Variants in CACNA1H observed in about 807,000 individuals in gnomAD.
CACNA1H encodes the protein calcium voltage-gated channel subunit alpha1 H.
In CACNA1H, 149 loss-of-function variants were observed where a neutral mutation model predicts 192.5. That is an observed-to-expected ratio of 0.77 (90% CI 0.68 to 0.89). The LOEUF (loss-of-function observed/expected upper bound fraction) is 0.89. CACNA1H is among the 40% of genes least tolerant of loss of function. The probability of loss-of-function intolerance (pLI) is 0.00; values close to 1 mark genes in which losing one functional copy is unlikely to be tolerated. For missense variants in CACNA1H, 4,257 were observed against 3,423.5 expected (o/e 1.24, Z -6.08); for synonymous variants, 2,202 against 1,475.2 (o/e 1.49, Z -11.29).
intron 2 of CACNA1H, among the ~76,000 whole-genome samples, chr16:1,162,642 G>C (rs933160949): frequency 1.3e-5 from 2 of 150,454 alleles, no homozygotes; most frequent in South Asian, 2.1e-4. Context: ...CCTGGAGTGG[G>C]GGGGGGGGGT....
chr16:1,168,536 G>C (rs889390526), intron 2 of CACNA1H, among the ~76,000 whole-genome samples: 1 of 151,994 alleles, frequency 6.6e-6, no homozygotes, highest in African/African-American at 2.4e-5. Context: ...GATGCACCCT[G>C]GAGGCAGGGA....
rs1366134926 is a variant in CACNA1H at position 1,211,996 on chromosome 16, G to C, written c.4617G>C (p.Leu1539=). 6.2e-7 allele frequency: 1 copy of C among 1,613,524 alleles called. No homozygotes were observed. The highest frequency in any genetic ancestry group is 1.1e-5 in the South Asian group (1 of 91,076). ...PWMLLYFISF[L]LIVSFFVLNM... ...TGCTGCTGTACTTCATCTCCTTCCT[G>C]CTCATCGTCAGCTTCTTCGTGCTCA... The change falls in exon 25 of 35, where the codon CTG becomes CTC. Residue 1539 remains leucine (L), a synonymous_variant. Coordinates refer to ENST00000348261, the MANE Select transcript of CACNA1H (RefSeq NM_021098.3).
chr16:1,187,384 C>T (rs1966178332), intron 2 of CACNA1H, among the ~76,000 whole-genome samples: 1 of 152,330 alleles, frequency 6.6e-6, no homozygotes. Context: ...GCAGTCTGTG[C>T]CCTGCAAGGC....
chr16:1,206,973 C>T (rs914960105), intron 12 of CACNA1H, 28 bp from the exon 13 acceptor site: 46 of 1,425,118 alleles, frequency 3.2e-5, no homozygotes, highest in Admixed American at 1.6e-4. Context: ...TGCCTCCACC[C>T]TCAACACGCC....
chr16:1,168,288 C>T (rs1041915529), intron 2 of CACNA1H, among the ~76,000 whole-genome samples: 1 of 152,110 alleles, frequency 6.6e-6, no homozygotes, highest in Admixed American at 6.5e-5. Context: ...ACCCCCATCT[C>T]CTCCCTCCTA....
chr16:1,197,456 T>C (rs1244090387), intron 5 of CACNA1H, among the ~76,000 whole-genome samples: 1 of 152,228 alleles, frequency 6.6e-6, no homozygotes, highest in South Asian at 2.1e-4. Flanking sequence ...GCCCTAATTG[T>C]CGCCAGCAGC....
intron 2 of CACNA1H, among the ~76,000 whole-genome samples, chr16:1,172,204 G>A (rs1964435906): frequency 6.6e-6 from 1 of 152,212 alleles, no homozygotes; most frequent in Non-Finnish European, 1.5e-5. Context: ...GGCTGGCCCA[G>A]GGCGAGTCTG....
At chr16:1,192,334 G>A (rs113044445) in intron 2 of CACNA1H, among the ~76,000 whole-genome samples, 2 of 141,280 alleles carry the variant, frequency 1.4e-5, no homozygotes, top group African/African-American at 4.9e-5. Flanking sequence ...GGCACTGGGT[G>A]CCACCCACCC....
chr16:1,166,524 G>A (rs911620145), intron 2 of CACNA1H, among the ~76,000 whole-genome samples: 6 of 152,310 alleles, frequency 3.9e-5, no homozygotes, highest in African/African-American at 9.6e-5. Flanking sequence ...CAATTCGGTC[G>A]TTCTCCCTGT....
chr16:1,210,740 G>A (rs745730567), intron 20 of CACNA1H, 47 bp from the exon 21 acceptor site: 1 of 1,572,200 alleles, frequency 6.4e-7, no homozygotes, highest in Non-Finnish European at 8.6e-7. Context: ...CAGCTCCCCA[G>A]ACCCCCCACG....
At chr16:1,209,438 G>C in intron 17 of CACNA1H, 26 bp downstream of exon 17, 1 of 1,589,400 alleles carries the variant, frequency 6.3e-7, no homozygotes, top group South Asian at 1.1e-5. Context: ...TGGGCCCACC[G>C]CCGACTCGCC....
Position 1,201,880 on chromosome 16 carries a change from G to C in CACNA1H, c.1430G>C (p.Arg477Pro). 6.4e-7 allele frequency: 1 copy of C among 1,553,010 alleles called. No individual in the cohort carries two copies. The highest frequency in any genetic ancestry group is 1.2e-5 in the South Asian group (1 of 84,282). The change falls in exon 9 of 35, where the codon CGC (arginine) becomes CCC (proline). Residue 477 changes from arginine (R) to proline (P), a missense_variant. By Grantham distance (103) the Arg-to-Pro change is moderately radical. Transcript: ENST00000348261. ...CGCAAGGTCAAGCGGCGCAGCTTGC[G>C]CCTCTACGCCCGCTGGCAGAGCCGC... is the stretch of plus-strand genomic sequence containing the variant. ...IFRKVKRRSL[R>P]LYARWQSRWR...
At chr16:1,178,400 C>T (rs565591628) in intron 2 of CACNA1H, among the ~76,000 whole-genome samples, 20 of 150,286 alleles carry the variant, frequency 1.3e-4, no homozygotes, top group Non-Finnish European at 2.5e-4. Flanking sequence ...ATATTCATAT[C>T]TCAGAGTCCT....
At position 1,215,306 on chromosome 16, in the gene CACNA1H, G is replaced by C; in HGVS notation, c.5104G>C (p.Glu1702Gln). ...SLMGITLEEIEMSAALPINPT... is the reference protein window; with the variant it reads ...SLMGITLEEIQMSAALPINPT... Reference sequence around the variant, plus strand: ...CATGGGCATCACGCTGGAGGAGATAGAGATGAGCGCCGCGCTGCCCATCAA... The same window carrying C: ...CATGGGCATCACGCTGGAGGAGATACAGATGAGCGCCGCGCTGCCCATCAA... The change falls in exon 29 of 35, where the codon GAG becomes CAG. Residue 1702 changes from glutamate (E) to glutamine (Q), a missense_variant. Physicochemically the swap from Glu to Gln is conservative, Grantham distance 29 (BLOSUM62 2). Transcript: ENST00000348261. The C allele has an allele frequency of 1.9e-6, 3 of 1,610,632 alleles. No homozygotes were observed.
At chr16:1,213,488 A>T (rs1969697120) in intron 26 of CACNA1H, among the ~76,000 whole-genome samples, 1 of 151,924 alleles carries the variant, frequency 6.6e-6, no homozygotes, top group African/African-American at 2.4e-5. Flanking sequence ...GCTGAGGAGG[A>T]GGTTAGTCAG....
chr16:1,200,330 C>A lies in CACNA1H; in HGVS notation c.878C>A (p.Ser293Ter). Reference sequence around the variant, plus strand: ...GAGGAGAACCCGTTCATCTGCTCCTCACGCCGAGACAACGGCATGCAGAAG... The same window carrying A: ...GAGGAGAACCCGTTCATCTGCTCCTAACGCCGAGACAACGGCATGCAGAAG... Reference protein sequence around the residue: ...EGEENPFICSSRRDNGMQKCS... With the variant: ...EGEENPFICS Residue 293 changes from serine to a stop codon, truncating the protein, a stop_gained, in exon 7 of 35, where the codon TCA becomes TAA. Coordinates refer to ENST00000348261, the MANE Select transcript of CACNA1H (RefSeq NM_021098.3). LOFTEE classifies it high-confidence loss of function. 1 of 1,603,746 alleles carries A rather than the reference C, an allele frequency of 6.2e-7. No individual in the cohort carries two copies. The highest frequency in any genetic ancestry group is 8.5e-7 in the Non-Finnish European group (1 of 1,175,854).
intron 2 of CACNA1H, among the ~76,000 whole-genome samples, chr16:1,182,594 G>A (rs1348402980): frequency 6.6e-6 from 1 of 152,194 alleles, no homozygotes; most frequent in African/African-American, 2.4e-5. Context: ...GCTGGCTCCG[G>A]CCACGTTCCC....
intron 2 of CACNA1H, among the ~76,000 whole-genome samples, chr16:1,166,354 C>T (rs966753151): frequency 1.4e-4 from 22 of 152,196 alleles, no homozygotes; most frequent in South Asian, 4.1e-4. Context: ...TAACGGTGCC[C>T]TGAATCCCGG....
At chr16:1,154,247 A>C (rs1210345721) in intron 2 of CACNA1H, among the ~76,000 whole-genome samples, 3 of 150,186 alleles carry the variant, frequency 2.0e-5, no homozygotes, top group Non-Finnish European at 4.4e-5. Context: ...GCGCCTCCGG[A>C]CTCCCTTCCC....
Sources: allele counts gnomAD v4.1 joint callset (sites outside exome capture counted in the v4.1 genomes callset), GRCh38; gene constraint gnomAD v4.1.1; transcripts MANE v1.5; gene names NCBI Gene and HGNC (gene_info 2026-07-23, HGNC 2026-07-21).